The following MACC1 variants were observed in gnomAD, a reference collection of about 807,000 sequenced individuals.
MACC1 encodes metastasis-associated in colon cancer protein 1.
A neutral mutation model predicts 70.7 loss-of-function variants in MACC1; 79 were observed. The observed-to-expected ratio is 1.12, with a 90% CI of 0.93 to 1.35. The LOEUF is 1.35. MACC1 is among the 40% of genes most tolerant of loss of function. The probability of loss-of-function intolerance (pLI) is 0.00; values close to 1 mark genes in which losing one functional copy is unlikely to be tolerated. For synonymous variants in MACC1, 361 were observed against 347.2 expected, an observed-to-expected ratio of 1.04 and a Z score of -0.44; for missense variants, 1,106 against 978.1, an observed-to-expected ratio of 1.13 and a Z score of -1.74.
chr7:20,142,687 T>C (rs1338942045), intron 6 of MACC1, among the ~76,000 whole-genome samples: 1 of 152,214 alleles, frequency 6.6e-6, no homozygotes, highest in Non-Finnish European at 1.5e-5. Flanking sequence ...ATGGAACCTT[T>C]TTTGTCAGAC....
chr7:20,159,221 G>A lies in MACC1; in HGVS notation c.1140C>T (p.Ile380=), dbSNP rs376711792. The A allele has an allele frequency of 1.2e-6, 2 of 1,613,904 alleles. No homozygotes were observed. Among genetic ancestry groups the A allele is most frequent in the Non-Finnish European group, 1.7e-6 (2 of 1,179,956 alleles). Residue 380 remains isoleucine (I), a synonymous_variant, in exon 5 of 7, where the codon ATC becomes ATT. Coordinates refer to ENST00000400331, the MANE Select transcript of MACC1 (RefSeq NM_182762.4). ...TSIGIYGPKY[I]HPSFTVVLTV... ...TTAAAACAACAGTAAAACTGGGATG[G>A]ATATATTTGGGTCCATAAATTCCAA...
intron 1 of MACC1, among the ~76,000 whole-genome samples, chr7:20,198,302 T>G (rs552802269): frequency 6.6e-6 from 1 of 152,316 alleles, no homozygotes; most frequent in African/African-American, 2.4e-5. Context: ...GGTGCCTAAG[T>G]AAAGTCCCAG....
chr7:20,173,362 GCTCT>G (rs1186513865), intron 1 of MACC1, among the ~76,000 whole-genome samples: 3 of 152,200 alleles, frequency 2.0e-5, no homozygotes, highest in African/African-American at 7.2e-5. Context: ...AAAATTTACA[GCTCT>G]CTTTCTTGGG....
intron 3 of MACC1, 129 bp from the exon 4 acceptor site, chr7:20,161,999 A>G: frequency 1.7e-6 from 1 of 573,688 alleles, no homozygotes; most frequent in South Asian, 2.2e-5. Context: ...TAAATCTTCT[A>G]CTCCTGGTAG....
chr7:20,210,387 T>C (rs1024795200), intron 1 of MACC1, among the ~76,000 whole-genome samples: 3 of 152,208 alleles, frequency 2.0e-5, no homozygotes, highest in African/African-American at 7.2e-5. Context: ...TCTGGCATAG[T>C]TCTCACATTG....
intron 2 of MACC1, among the ~76,000 whole-genome samples, 165 bp from the exon 3 acceptor site, chr7:20,164,564 A>G (rs967145075): frequency 1.3e-5 from 2 of 152,246 alleles, no homozygotes; most frequent in Non-Finnish European, 2.9e-5. Flanking sequence ...CAATGTTGCA[A>G]TAACCATTTC....
At chr7:20,191,121 G>A (rs1782666301) in intron 1 of MACC1, among the ~76,000 whole-genome samples, 1 of 152,194 alleles carries the variant, frequency 6.6e-6, no homozygotes, top group South Asian at 2.1e-4. Flanking sequence ...GTCCAGTAAG[G>A]CAGTAGAATC....
At chr7:20,144,056 T>C (rs1437046291) in intron 6 of MACC1, among the ~76,000 whole-genome samples, 1 of 152,248 alleles carries the variant, frequency 6.6e-6, no homozygotes, top group African/African-American at 2.4e-5. Flanking sequence ...TCATCTTCTG[T>C]GTACAAAATC....
At chr7:20,192,358 A>T (rs1242442322) in intron 1 of MACC1, among the ~76,000 whole-genome samples, 5 of 152,158 alleles carry the variant, frequency 3.3e-5, no homozygotes, top group African/African-American at 1.2e-4. Flanking sequence ...AGCCATTGTG[A>T]TTTGCTTAAC....
Position 20,158,984 on chromosome 7 carries a change from CT to C in MACC1, c.1376del (p.Gln459ArgfsTer7), listed in dbSNP as rs1210670811. On this transcript the variant is annotated frameshift_variant, in exon 5 of 7. Coordinates refer to ENST00000400331, the MANE Select transcript of MACC1 (RefSeq NM_182762.4). LOFTEE classifies it high-confidence loss of function. ...EGERKEIKQK[Q>X]LEAGEVVHQQ... The stretch of plus-strand genomic sequence containing the variant: ...GATGAACTACTTCACCTGCTTCCAA[CT>C]GCTTTTGTTTAATTTCTTTCCTTTC... The C allele has an allele frequency of 6.2e-7, 1 of 1,614,048 alleles. No individual in the cohort carries two copies. Among genetic ancestry groups the C allele is most frequent in the South Asian group, 1.1e-5 (1 of 91,076 alleles).
At chr7:20,175,980 C>T (rs3114441) in intron 1 of MACC1, among the ~76,000 whole-genome samples, 70,201 of 151,778 alleles carry the variant, frequency 0.46, 17,539 homozygotes, top group East Asian at 0.86. Context: ...CTACAACTGA[C>T]CTCTTCGATA....
intron 6 of MACC1, among the ~76,000 whole-genome samples, chr7:20,148,163 G>C (rs924949861): frequency 6.9e-6 from 1 of 143,988 alleles, no homozygotes; most frequent in African/African-American, 2.4e-5. Context: ...TCCCCTTCTG[G>C]CAAATGAGAA....
intron 1 of MACC1, among the ~76,000 whole-genome samples, chr7:20,183,360 T>A (rs1782539326): frequency 6.6e-6 from 1 of 152,184 alleles, no homozygotes; most frequent in Admixed American, 6.5e-5. Flanking sequence ...TTCTTTCCAC[T>A]AACAAAAACA....
At chr7:20,199,149 G>A (rs1042546392) in intron 1 of MACC1, among the ~76,000 whole-genome samples, 1 of 152,174 alleles carries the variant, frequency 6.6e-6, no homozygotes, top group Admixed American at 6.5e-5. Flanking sequence ...ACTATCTCAG[G>A]AGAAAAGCAG....
chr7:20,210,796 G>A (rs531281646), intron 1 of MACC1, among the ~76,000 whole-genome samples: 83 of 152,224 alleles, frequency 5.5e-4, no homozygotes, highest in Admixed American at 1.4e-3. Context: ...TTTAATTAAT[G>A]ATTAAATACA....
intron 1 of MACC1, among the ~76,000 whole-genome samples, chr7:20,175,185 CT>C (rs1162316151): frequency 1.3e-5 from 2 of 151,966 alleles, no homozygotes; most frequent in African/African-American, 4.8e-5. Context: ...ATGGCTTTAA[CT>C]TTTTTTGATG....
chr7:20,171,625 A>G (rs1782309416), intron 1 of MACC1, among the ~76,000 whole-genome samples: 1 of 148,598 alleles, frequency 6.7e-6, no homozygotes, highest in Admixed American at 6.8e-5. Context: ...TCTGTCGCCC[A>G]GGTTGGAGTG....
intron 1 of MACC1, among the ~76,000 whole-genome samples, chr7:20,212,508 A>G (rs1264037921): frequency 6.6e-6 from 1 of 152,080 alleles, no homozygotes; most frequent in Admixed American, 6.6e-5. Context: ...TACCTGAAGA[A>G]TCTCTCTTCA....
At chr7:20,189,750 A>ACACACAC (rs1554291002) in intron 1 of MACC1, among the ~76,000 whole-genome samples, 1,783 of 117,762 alleles carry the variant, frequency 0.015, 20 homozygotes, top group African/African-American at 0.05. Flanking sequence ...CAAACACATA[A>ACACACAC]ACACACACAC....
Sources: allele counts gnomAD v4.1 joint callset (sites outside exome capture counted in the v4.1 genomes callset), GRCh38; gene constraint gnomAD v4.1.1; transcripts MANE v1.5; gene names NCBI Gene and HGNC (gene_info 2026-07-23, HGNC 2026-07-21).